MAD1L1: variants seen among roughly 807,000 people sequenced by gnomAD.
The protein encoded by MAD1L1 is mitotic arrest deficient 1 like 1, also known as mitotic spindle assembly checkpoint protein MAD1.
A neutral mutation model predicts 96.9 loss-of-function variants in MAD1L1; 95 were observed. That is an observed-to-expected ratio of 0.98 (90% confidence interval 0.83 to 1.16). The LOEUF is 1.16. MAD1L1 is among the 50% of genes most tolerant of loss of function. MAD1L1 has a pLI of 0.00. For missense variants in MAD1L1, 1,007 were observed against 954.4 expected, an observed-to-expected ratio of 1.06 and a Z score of -0.73; for synonymous variants, 473 against 396.6, an observed-to-expected ratio of 1.19 and a Z score of -2.29.
intron 18 of MAD1L1, among the ~76,000 whole-genome samples, chr7:1,883,935 C>A (rs1785844938): frequency 6.6e-6 from 1 of 152,232 alleles, no homozygotes; most frequent in African/African-American, 2.4e-5. Context: ...ATACCCGGGC[C>A]AGGGGAATCG....
chr7:1,825,513 C>T (rs796258801), intron 18 of MAD1L1, among the ~76,000 whole-genome samples: 2 of 152,378 alleles, frequency 1.3e-5, no homozygotes, highest in East Asian at 3.9e-4. Flanking sequence ...AGGGCTGCTG[C>T]TGAGGTGTGA....
Position 2,101,325 on chromosome 7 carries a change from G to C in MAD1L1, c.1074-31987C>G, listed in dbSNP as rs978958928. Among the ~76,000 whole-genome samples the C allele has an allele frequency of 1.1e-4, 16 of 144,412 alleles. 2 individuals are homozygous for C. The South Asian group carries it at 3.2e-3, about 29-fold the overall frequency. 94.7% of individuals were successfully genotyped at this position (144,412 alleles called of 152,430 possible). ...CATTCAGGTGGGTGGCATGAGACTG[G>C]GGCTCCACTCCTAAAGGGTCTCCAT... On this transcript the variant is annotated intron_variant, in intron 11 of 18. Coordinates refer to ENST00000265854, the MANE Select transcript of MAD1L1 (RefSeq NM_001013836.2).
intron 12 of MAD1L1, among the ~76,000 whole-genome samples, chr7:2,057,221 C>T (rs981267850): frequency 1.3e-5 from 2 of 152,218 alleles, no homozygotes; most frequent in Non-Finnish European, 2.9e-5. Flanking sequence ...TCACAGGAGA[C>T]GCACAGTAAG....
intron 18 of MAD1L1, among the ~76,000 whole-genome samples, chr7:1,876,651 A>C (rs2128660864): frequency 6.6e-6 from 1 of 151,770 alleles, no homozygotes; most frequent in East Asian, 1.9e-4. Context: ...CCATGGCAAA[A>C]AGTGAAAATA....
intron 11 of MAD1L1, among the ~76,000 whole-genome samples, chr7:2,132,414 T>C (rs10275299): frequency 0.014 from 908 of 63,280 alleles, 13 homozygotes; most frequent in African/African-American, 0.034. Context: ...TGCAGTCGGT[T>C]CACTGCTGCG....
At chr7:2,089,137 AAGG>A (rs1237874022) in intron 11 of MAD1L1, 1 of 152,296 alleles carries the variant, frequency 6.6e-6, no homozygotes, top group Non-Finnish European at 1.5e-5. Context: ...GCAAACAGGC[AAGG>A]AGAAGGCAGC....
chr7:1,999,986 A>T (rs541685046), intron 14 of MAD1L1, among the ~76,000 whole-genome samples: 1 of 152,246 alleles, frequency 6.6e-6, no homozygotes. Context: ...TGCCCCAAAG[A>T]GGCTTGAGCC....
chr7:1,951,357 T>C (rs10253879), intron 16 of MAD1L1, among the ~76,000 whole-genome samples: 131,040 of 152,214 alleles, frequency 0.86, 57,717 homozygotes, highest in Non-Finnish European at 0.96. Context: ...AGTAGTCACC[T>C]CAAGCGCCCT....
intron 14 of MAD1L1, among the ~76,000 whole-genome samples, chr7:1,987,911 G>C (rs1027447969): frequency 6.6e-6 from 1 of 152,132 alleles, no homozygotes; most frequent in Non-Finnish European, 1.5e-5. Flanking sequence ...TCCCAGGCAC[G>C]GGACCATGTC....
intron 11 of MAD1L1, among the ~76,000 whole-genome samples, chr7:2,116,166 G>T (rs1241419313): frequency 6.6e-6 from 1 of 152,238 alleles, no homozygotes; most frequent in Non-Finnish European, 1.5e-5. Context: ...GCTCCCAGTG[G>T]CCCCAGCTCC....
intron 11 of MAD1L1, among the ~76,000 whole-genome samples, chr7:2,071,946 G>A (rs1049866912): frequency 1.6e-4 from 24 of 152,194 alleles, no homozygotes; most frequent in Non-Finnish European, 2.4e-4. Context: ...CCCACATCTC[G>A]CCCTGCGCAT....
chr7:1,909,523 G>GCCCC, intron 17 of MAD1L1, among the ~76,000 whole-genome samples: 1 of 152,354 alleles, frequency 6.6e-6, no homozygotes, highest in South Asian at 2.1e-4. Context: ...CTCTGCAAGA[G>GCCCC]ACTGTAGGAG....
intron 11 of MAD1L1, among the ~76,000 whole-genome samples, chr7:2,099,319 C>T (rs373156450): frequency 2.0e-5 from 3 of 152,232 alleles, no homozygotes; most frequent in Non-Finnish European, 2.9e-5. Flanking sequence ...GTCAGGTGCT[C>T]GCTCTGTTCC....
chr7:2,101,203 A>G (rs1786764644), intron 11 of MAD1L1, among the ~76,000 whole-genome samples: 1 of 152,210 alleles, frequency 6.6e-6, no homozygotes, highest in South Asian at 2.1e-4. Context: ...TACACCAAAG[A>G]GGATGCGGGC....
intron 11 of MAD1L1, among the ~76,000 whole-genome samples, chr7:2,086,703 C>T (rs55854338): frequency 0.027 from 4,121 of 152,300 alleles, 96 homozygotes; most frequent in South Asian, 0.09. Flanking sequence ...AGTTGCCTGC[C>T]ACCACACCCA....
At position 2,115,719 on chromosome 7, in the gene MAD1L1, G is replaced by A. The variant is rs541389389; in HGVS notation, c.1073+33433C>T. On this transcript the variant is annotated intron_variant, in intron 11 of 18. Transcript: ENST00000265854. ...GCATGGCCACATCCAGGGAAGCCAC[G>A]GCCCTGCCCCCAAGGTCAGGACTAT... is the stretch of plus-strand genomic sequence containing the variant. Among the ~76,000 whole-genome samples the A allele has an allele frequency of 4.6e-3, 706 of 152,380 alleles. 11 individuals carry two copies. The South Asian group carries it at 0.047, about 10-fold the overall frequency.
At chr7:2,215,780 C>T in intron 9 of MAD1L1, 105 bp downstream of exon 9, 2 of 1,034,240 alleles carry the variant, frequency 1.9e-6, no homozygotes, top group Non-Finnish European at 3.0e-6. Context: ...TCACAGCAAC[C>T]TCCATGTTGT....
chr7:1,900,038 G>C (rs2128443063), intron 17 of MAD1L1, among the ~76,000 whole-genome samples: 1 of 152,336 alleles, frequency 6.6e-6, no homozygotes, highest in East Asian at 1.9e-4. Flanking sequence ...CTTCAGAGGT[G>C]TTAGGCCAGA....
intron 5 of MAD1L1, among the ~76,000 whole-genome samples, chr7:2,221,331 G>A (rs1021152340): frequency 4.6e-5 from 7 of 152,180 alleles, no homozygotes; most frequent in African/African-American, 1.7e-4. Flanking sequence ...CAGAGCATGG[G>A]CAAGGCAAGA....
Sources: gnomAD v4.1 joint callset for allele counts (sites outside exome capture counted in the v4.1 genomes callset) on GRCh38, gnomAD v4.1.1 for gene constraint, MANE v1.5 for transcripts, NCBI Gene and HGNC (gene_info 2026-07-23, HGNC 2026-07-21) for gene names.